The following IQGAP3 variants were observed in gnomAD, a reference collection of about 807,000 sequenced individuals.
The protein encoded by IQGAP3 is IQ motif containing GTPase activating protein 3.
IQGAP3 carries 165 observed loss-of-function variants against 208.2 expected under a neutral mutation model. The observed-to-expected ratio is 0.79, with a 90% CI of 0.70 to 0.90. The LOEUF is 0.90. IQGAP3 is among the 40% of genes least tolerant of loss of function. The pLI, the probability that IQGAP3 is intolerant of heterozygous loss-of-function variation, is 0.00. For synonymous variants in IQGAP3, 703 were observed against 803.6 expected (o/e 0.87, Z 2.12); for missense variants, 1,811 against 2,043.1 (o/e 0.89, Z 2.19).
chr1:156,538,040 C>T (rs921346037), intron 26 of IQGAP3, among the ~76,000 whole-genome samples: 13 of 151,356 alleles, frequency 8.6e-5, no homozygotes, highest in East Asian at 1.9e-4. Context: ...TGCAGGAGTG[C>T]GCCACAACAC....
At chr1:156,564,562 G>T in intron 5 of IQGAP3, 53 bp downstream of exon 5, 3 of 1,152,370 alleles carry the variant, frequency 2.6e-6, no homozygotes, top group Non-Finnish European at 4.0e-6. Context: ...GTTGTTGATT[G>T]TTGGTCGCAT....
chr1:156,539,718 G>A (rs1034119465), intron 24 of IQGAP3, 120 bp downstream of exon 24: 1 of 1,281,712 alleles, frequency 7.8e-7, no homozygotes, highest in African/African-American at 1.5e-5. Context: ...CTGGGGATAA[G>A]GAATTAAGAT....
chr1:156,531,180 G>A lies in IQGAP3; in HGVS notation c.4171C>T (p.Leu1391Phe), dbSNP rs764039088. 1 of 1,613,704 alleles carries A rather than the reference G, an allele frequency of 6.2e-7. No individual in the cohort carries two copies. The highest frequency in any genetic ancestry group is 8.5e-7 in the Non-Finnish European group (1 of 1,179,674). ...CTCACTTGCTCTCTGGAAGCCGAGA[G>A]GGACAGGATCTCCTTGAGGGTGTCC... is the stretch of plus-strand genomic sequence containing the variant. ...PGDTLKEILS[L>F]SASREQEAAH... The change falls in exon 33 of 38, where the codon CTC becomes TTC. Residue 1391 changes from leucine (L) to phenylalanine (F), a missense_variant. By Grantham distance (22) the Leu-to-Phe change is conservative (BLOSUM62 0). Transcript: ENST00000361170.
At position 156,527,358 on chromosome 1, in the gene IQGAP3, A is replaced by G. The variant is rs549259625; in HGVS notation, c.4782+594T>C. 6.9e-4 allele frequency among the ~76,000 whole-genome samples: 105 copies of G among 151,736 alleles called. 2 individuals are homozygous for G. In the South Asian group the frequency reaches 0.02, roughly 30 times the overall value. On this transcript the variant is annotated intron_variant, in intron 37 of 37. Transcript: ENST00000361170. Reference sequence around the variant, plus strand: ...GCCGGTGTGGTGGCGCACGCCTGTAATCCCAGCTACTCAGGAAGCTGAGGC... The same window carrying G: ...GCCGGTGTGGTGGCGCACGCCTGTAGTCCCAGCTACTCAGGAAGCTGAGGC...
chr1:156,551,658 A>C (rs769327357), intron 15 of IQGAP3, 47 bp downstream of exon 15: 12 of 1,562,166 alleles, frequency 7.7e-6, no homozygotes, highest in Non-Finnish European at 1.0e-5. Flanking sequence ...ACCCACAGAG[A>C]ATGTTCTTCC....
chr1:156,531,060 T>C, intron 33 of IQGAP3, 100 bp downstream of exon 33: 1 of 835,760 alleles, frequency 1.2e-6, no homozygotes. Flanking sequence ...TGCTTCTGGC[T>C]GATGTGGGTG....
intron 19 of IQGAP3, 104 bp downstream of exon 19, chr1:156,547,969 A>G (rs762258184): frequency 4.8e-6 from 5 of 1,048,664 alleles, no homozygotes; most frequent in Non-Finnish European, 6.9e-6. Context: ...TACTATTCAG[A>G]GGCCGAAAGG....
intron 11 of IQGAP3, 32 bp downstream of exon 11, chr1:156,560,902 C>T (rs371844150): frequency 6.9e-7 from 1 of 1,456,960 alleles, no homozygotes. Context: ...GAGATACGCA[C>T]AGAGCAGGCC....
chr1:156,538,685 G>A (rs1177696), intron 26 of IQGAP3, 124 bp downstream of exon 26: 290,350 of 724,836 alleles, frequency 0.4, 66,158 homozygotes, highest in African/African-American at 0.75. Flanking sequence ...TATTTGCATA[G>A]ATCAGCATGC....
intron 2 of IQGAP3, among the ~76,000 whole-genome samples, chr1:156,568,341 A>G (rs912062070): frequency 1.3e-5 from 2 of 152,032 alleles, no homozygotes; most frequent in Non-Finnish European, 2.9e-5. Flanking sequence ...CAGCCTCCTG[A>G]GTAGCTGGGA....
intron 10 of IQGAP3, 43 bp from the exon 11 acceptor site, chr1:156,561,064 G>T (rs1676128430): frequency 2.8e-6 from 4 of 1,424,918 alleles, no homozygotes; most frequent in Non-Finnish European, 3.0e-6. Flanking sequence ...TCCTTCCGGG[G>T]CCATGACCAT....
In IQGAP3 at chr1:156,543,976, C is replaced by G; in HGVS notation, c.2530+5G>C. The G allele has an allele frequency of 6.2e-7, 1 of 1,613,602 alleles. No individual in the cohort carries two copies. Among genetic ancestry groups the G allele is most frequent in the African/African-American group, 1.3e-5 (1 of 75,028 alleles). On this transcript the variant is annotated splice_donor_5th_base_variant and intron_variant, in intron 22 of 37. Coordinates refer to ENST00000361170, the MANE Select transcript of IQGAP3 (RefSeq NM_178229.5). ...CAGCTGGGGAGGGTGGATCAGGCAG[C>G]TCACCTAATATCCTGTAGTCATCTT...
At position 156,539,896 on chromosome 1, in the gene IQGAP3, A is replaced by C; in HGVS notation, c.2834T>G (p.Leu945Arg). ...VLDKQKGLKS[L>R]SKEKRQKLEA... ...TAGTTTCTGCCGTTTCTCTTTGCTC[A>C]GCGACTTTAAACCCTTCTGCTTGTC... is the stretch of plus-strand genomic sequence containing the variant. The change falls in exon 24 of 38, where the codon CTG becomes CGG. Residue 945 changes from leucine to arginine, a missense_variant. Physicochemically the swap from Leu to Arg is moderately radical, Grantham distance 102. Transcript: ENST00000361170. 1 of 1,614,134 alleles carries C rather than the reference A, an allele frequency of 6.2e-7. No homozygotes were observed. Among genetic ancestry groups the C allele is most frequent in the Non-Finnish European group, 8.5e-7 (1 of 1,180,042 alleles).
rs1674046126 is a variant in IQGAP3, at chr1:156,526,160, C to T, written c.*326G>A. ...GGCAGTGCTTGTAATATTGGGGTGA[C>T]TGTGGGAGGGCAGTAGCAGACACAA... On this transcript the variant is annotated 3_prime_UTR_variant, in exon 38 of 38. Coordinates refer to ENST00000361170, the MANE Select transcript of IQGAP3 (RefSeq NM_178229.5). 2 of 264,850 alleles carry T rather than the reference C, an allele frequency of 7.6e-6. No individual in the cohort carries two copies. The highest frequency in any genetic ancestry group is 7.5e-6 in the Non-Finnish European group (1 of 134,178). The allele number at this position is 264,850 out of a possible 1,614,324, so 16.4% of individuals were successfully genotyped here. A position where few individuals can be genotyped will look rare whatever the true frequency, so the allele number is the denominator to read the frequency against.
Position 156,566,079 on chromosome 1 carries a change from G to T in IQGAP3, c.308C>A (p.Thr103Lys). 6.2e-7 allele frequency: 1 copy of T among 1,613,868 alleles called. No homozygotes were observed. The highest frequency in any genetic ancestry group is 1.7e-5 in the Admixed American group (1 of 60,014). Residue 103 changes from threonine (T) to lysine (K), a missense_variant, in exon 4 of 38, where the codon ACA (threonine) becomes AAA (lysine). Coordinates refer to ENST00000361170, the MANE Select transcript of IQGAP3 (RefSeq NM_178229.5). ...AGATAGCCAAAAGTTGATGTTGTCTGTGTGACGGAAATGTAAGCCAGTTGC... is the reference window on the plus strand; with the variant it reads ...AGATAGCCAAAAGTTGATGTTGTCTTTGTGACGGAAATGTAAGCCAGTTGC... ...YQATGLHFRHTDNINFWLSAI... is the reference protein window; with the variant it reads ...YQATGLHFRHKDNINFWLSAI...
intron 19 of IQGAP3, among the ~76,000 whole-genome samples, chr1:156,547,418 C>CACACAG (rs1675311115): frequency 2.7e-5 from 4 of 149,342 alleles, no homozygotes; most frequent in Non-Finnish European, 5.9e-5. Context: ...CACACACACA[C>CACACAG]ACACACAGAC....
chr1:156,528,072 A>G lies in IQGAP3; in HGVS notation c.4674-12T>C, dbSNP rs774744681. On this transcript the variant is annotated splice_polypyrimidine_tract_variant and intron_variant, in intron 36 of 37. Transcript: ENST00000361170. ...TGACGTTTCTGAAGCTGTCAGGAAC[A>G]GGATTCAAAACAGGAACCCACTGCC... The G allele has an allele frequency of 1.7e-5, 28 of 1,604,570 alleles. No homozygotes were observed. The highest frequency in any genetic ancestry group is 2.3e-5 in the Non-Finnish European group (27 of 1,171,324).
intron 32 of IQGAP3, 48 bp downstream of exon 32, chr1:156,532,932 A>G (rs1406414873): frequency 1.2e-6 from 2 of 1,610,800 alleles, no homozygotes; most frequent in East Asian, 4.5e-5. Context: ...TACTGGCCTC[A>G]GGGCTGGGGA....
Position 156,564,645 on chromosome 1 carries a change from G to C in IQGAP3, c.407C>G (p.Pro136Arg). ...TTDIYDKKNM[P>R]RVVYCIHALS... Reference sequence around the variant, plus strand: ...AGCATGGATGCAGTAGACTACCCGGGGCATGTTCTTTTTGTCATAGATGTC... The same window carrying C: ...AGCATGGATGCAGTAGACTACCCGGCGCATGTTCTTTTTGTCATAGATGTC... The change falls in exon 5 of 38, where the codon CCC (proline) becomes CGC (arginine). Residue 136 changes from proline to arginine, a missense_variant. By Grantham distance (103) the Pro-to-Arg change is moderately radical. Coordinates refer to ENST00000361170, the MANE Select transcript of IQGAP3 (RefSeq NM_178229.5). The C allele has an allele frequency of 1.2e-6, 2 of 1,613,856 alleles. No homozygotes were observed. The highest frequency in any genetic ancestry group is 8.5e-7 in the Non-Finnish European group (1 of 1,179,800).
Sources: gnomAD v4.1 joint callset for allele counts (sites outside exome capture counted in the v4.1 genomes callset) on GRCh38, gnomAD v4.1.1 for gene constraint, MANE v1.5 for transcripts, NCBI Gene and HGNC (gene_info 2026-07-23, HGNC 2026-07-21) for gene names.